Variants in MNAT1 observed in about 807,000 individuals in gnomAD.
MNAT1 encodes the protein CDK-activating kinase assembly factor MAT1.
MNAT1 carries 43 observed loss-of-function variants against 42.0 expected under a neutral mutation model. The observed-to-expected ratio is 1.02, with a 90% CI of 0.80 to 1.32. MNAT1 has a LOEUF of 1.32. Among genes scored for constraint, MNAT1 ranks in the 40% most tolerant of loss-of-function variants. The pLI, the probability that MNAT1 is intolerant of heterozygous loss-of-function variation, is 0.00. For synonymous variants in MNAT1, 118 were observed against 120.0 expected (o/e 0.98, Z 0.11); for missense variants, 306 against 350.4 (o/e 0.87, Z 1.01).
At chr14:60,833,296 A>G (rs765619890) in intron 6 of MNAT1, among the ~76,000 whole-genome samples, 3 of 152,146 alleles carry the variant, frequency 2.0e-5, no homozygotes, top group Non-Finnish European at 2.9e-5. Flanking sequence ...CCCATTCCGT[A>G]TGATATTGGC....
At chr14:60,830,650 C>T (rs977832158) in intron 6 of MNAT1, among the ~76,000 whole-genome samples, 1 of 152,110 alleles carries the variant, frequency 6.6e-6, no homozygotes, top group East Asian at 1.9e-4. Context: ...TATCAATGCA[C>T]CATCAGTATT....
intron 1 of MNAT1, among the ~76,000 whole-genome samples, chr14:60,781,405 A>C (rs761953947): frequency 2.0e-5 from 3 of 152,138 alleles, no homozygotes; most frequent in Non-Finnish European, 4.4e-5. Context: ...TGATGAAAAA[A>C]TTGTTTTCTA....
chr14:60,832,332 T>C (rs1361880463), intron 6 of MNAT1, among the ~76,000 whole-genome samples: 1 of 152,252 alleles, frequency 6.6e-6, no homozygotes, highest in East Asian at 1.9e-4. Flanking sequence ...AAGTCTTTAA[T>C]CCTTCTTGAG....
chr14:60,888,267 A>C (rs1463880494), intron 7 of MNAT1, among the ~76,000 whole-genome samples: 1 of 151,498 alleles, frequency 6.6e-6, no homozygotes, highest in Non-Finnish European at 1.5e-5. Context: ...AGTGGGCTTC[A>C]TCCCTGGGAT....
intron 6 of MNAT1, among the ~76,000 whole-genome samples, chr14:60,821,743 G>A (rs1330235808): frequency 6.6e-6 from 1 of 151,912 alleles, no homozygotes; most frequent in Non-Finnish European, 1.5e-5. Flanking sequence ...TTTCCATGCC[G>A]GTCTCATTTT....
At chr14:60,799,584 A>C (rs1338743725) in intron 3 of MNAT1, among the ~76,000 whole-genome samples, 1 of 152,074 alleles carries the variant, frequency 6.6e-6, no homozygotes, top group Non-Finnish European at 1.5e-5. Context: ...ACAAGCAGGC[A>C]GTCAGGATAA....
intron 7 of MNAT1, among the ~76,000 whole-genome samples, chr14:60,897,006 ATAAG>A (rs1241177260): frequency 3.3e-5 from 5 of 152,224 alleles, no homozygotes; most frequent in East Asian, 1.9e-4. Flanking sequence ...CAGATTAGTT[ATAAG>A]TAAGAAATTT....
intron 6 of MNAT1, among the ~76,000 whole-genome samples, chr14:60,876,232 AG>A (rs2034433553): frequency 6.6e-6 from 1 of 152,110 alleles, no homozygotes; most frequent in Non-Finnish European, 1.5e-5. Context: ...ATTCTATGAT[AG>A]TATAAGATTT....
intron 6 of MNAT1, among the ~76,000 whole-genome samples, chr14:60,851,569 A>G (rs1318603356): frequency 6.6e-6 from 1 of 152,104 alleles, no homozygotes; most frequent in Non-Finnish European, 1.5e-5. Context: ...TCCGGCATAC[A>G]TTTACAGAAC....
At position 60,738,712 on chromosome 14, in the gene MNAT1, T is replaced by G. The variant is rs184212712; in HGVS notation, c.89+3761T>G. Among the ~76,000 whole-genome samples, 168 of 152,116 alleles carry G rather than the reference T, an allele frequency of 1.1e-3. 1 individual carries two copies. The highest frequency in any genetic ancestry group is 3.9e-3 in the African/African-American group (161 of 41,492). ...CACTACCTCTGGCTAATTTTGTAGT[T>G]TTAGTAGAGATGGGGTTTCTCCATG... On this transcript the variant is annotated intron_variant, in intron 1 of 7. Transcript: ENST00000261245.
At chr14:60,736,721 GACTA>G (rs1041284765) in intron 1 of MNAT1, among the ~76,000 whole-genome samples, 9 of 152,158 alleles carry the variant, frequency 5.9e-5, no homozygotes, top group Non-Finnish European at 1.2e-4. Context: ...TTAGGGAAAT[GACTA>G]ACTCTTTGTT....
intron 7 of MNAT1, among the ~76,000 whole-genome samples, chr14:60,935,815 T>G (rs182571691): frequency 2.4e-4 from 36 of 152,292 alleles, no homozygotes; most frequent in African/African-American, 7.9e-4. Context: ...TGAAATTCCC[T>G]GTAGATAAGG....
chr14:60,809,070 A>G (rs2032463666), intron 4 of MNAT1: 1 of 152,142 alleles, frequency 6.6e-6, no homozygotes, highest in Non-Finnish European at 1.5e-5. Context: ...ATTAGAATGT[A>G]TTCTATAAAG....
chr14:60,876,594 A>G (rs1326030347), intron 6 of MNAT1, among the ~76,000 whole-genome samples: 2 of 151,992 alleles, frequency 1.3e-5, no homozygotes, highest in East Asian at 1.9e-4. Flanking sequence ...CCATGTTCCT[A>G]GTCTATGGTA....
chr14:60,959,686 T>G (rs764208128), intron 7 of MNAT1, among the ~76,000 whole-genome samples: 6 of 152,224 alleles, frequency 3.9e-5, no homozygotes, highest in Admixed American at 3.9e-4. Context: ...TGTAGTTTCT[T>G]AAGTAGATTC....
At chr14:60,968,100 T>A in intron 7 of MNAT1, 129 bp from the exon 8 acceptor site, 1 of 657,580 alleles carries the variant, frequency 1.5e-6, no homozygotes, top group Non-Finnish European at 2.5e-6. Flanking sequence ...CTATTTATAA[T>A]AAAAGTCTGA....
Position 60,770,634 on chromosome 14 carries a change from G to A in MNAT1, c.90-25583G>A, listed in dbSNP as rs2031014891. ...CAAATATTCTGTTCTGCTCAAATAT[G>A]TTTTGAAATATTAACCCAGCAGTGG... On this transcript the variant is annotated intron_variant, in intron 1 of 7. Coordinates refer to ENST00000261245, the MANE Select transcript of MNAT1 (RefSeq NM_002431.4). Among the ~76,000 whole-genome samples, 3 of 152,036 alleles carry A rather than the reference G, an allele frequency of 2.0e-5. No homozygotes were observed. The South Asian group carries it at 6.2e-4, about 32-fold the overall frequency.
chr14:60,858,097 G>C (rs1327607111), intron 6 of MNAT1, among the ~76,000 whole-genome samples: 2 of 152,066 alleles, frequency 1.3e-5, no homozygotes, highest in Non-Finnish European at 2.9e-5. Flanking sequence ...CCCAGTAATG[G>C]GATTGCTGGG....
At chr14:60,867,592 A>G (rs992521451) in intron 6 of MNAT1, among the ~76,000 whole-genome samples, 19 of 152,062 alleles carry the variant, frequency 1.2e-4, no homozygotes, top group African/African-American at 3.9e-4. Flanking sequence ...ATGTAGAATC[A>G]AATTACTTTA....
Sources: allele counts gnomAD v4.1 joint callset (sites outside exome capture counted in the v4.1 genomes callset), GRCh38; gene constraint gnomAD v4.1.1; transcripts MANE v1.5; gene names NCBI Gene and HGNC (gene_info 2026-07-23, HGNC 2026-07-21).